The following HSCB variants were observed in gnomAD, a reference collection of about 807,000 sequenced individuals.
HSCB encodes the protein iron-sulfur cluster co-chaperone protein HscB.
Under a neutral mutation model 31.3 loss-of-function variants are expected in HSCB, and 23 were observed. The ratio of observed to expected loss-of-function variants is 0.74; its 90% CI spans 0.53 to 1.04. The LOEUF is 1.04. Ranked by LOEUF, HSCB falls within the 50% of genes least tolerant of loss-of-function variation. HSCB has a pLI of 0.00. For synonymous variants in HSCB, 110 were observed against 104.5 expected (o/e 1.05, Z -0.32); for missense variants, 297 against 288.1 (o/e 1.03, Z -0.22).
intron 1 of HSCB, 152 bp downstream of exon 1, chr22:28,742,483 A>C: frequency 2.3e-6 from 3 of 1,332,342 alleles, no homozygotes; most frequent in Non-Finnish European, 1.0e-6. Context: ...AAGTGTCTTG[A>C]TTTCTCAGGA....
intron 5 of HSCB, among the ~76,000 whole-genome samples, chr22:28,755,776 A>G (rs1482928030): frequency 6.6e-6 from 1 of 152,194 alleles, no homozygotes; most frequent in African/African-American, 2.4e-5. Context: ...CACTACGGAT[A>G]TTGTAAGCCA....
chr22:28,754,105 A>G (rs1396743817), intron 5 of HSCB, among the ~76,000 whole-genome samples: 2 of 151,280 alleles, frequency 1.3e-5, no homozygotes, highest in Non-Finnish European at 2.9e-5. Context: ...TGCACTCCTG[A>G]CGGCAACAAG....
At chr22:28,744,503 G>C in intron 2 of HSCB, 112 bp from the exon 3 acceptor site, 1 of 719,926 alleles carries the variant, frequency 1.4e-6, no homozygotes. Context: ...AGTGAGCTGA[G>C]TTCGCGCCAC....
intron 5 of HSCB, among the ~76,000 whole-genome samples, chr22:28,751,827 C>T (rs1271175349): frequency 2.0e-5 from 3 of 151,882 alleles, no homozygotes; most frequent in Admixed American, 2.0e-4. Flanking sequence ...CAGTGACTCA[C>T]GCCTGTTATC....
chr22:28,742,548 A>C, intron 1 of HSCB: 1 of 708,494 alleles, frequency 1.4e-6, no homozygotes. Flanking sequence ...GAGAAGGGAG[A>C]CGAACGGGAC....
In HSCB at chr22:28,748,249, G is replaced by A. The variant is rs143610154; in HGVS notation, c.568+2241G>A. On this transcript the variant is annotated intron_variant, in intron 4 of 5. Coordinates refer to ENST00000216027, the MANE Select transcript of HSCB (RefSeq NM_172002.5). ...AGAGAGTGACACCACTTGCACAAGC[G>A]TAAATTCTGAGGAGGCCTTAACAAC... Among the ~76,000 whole-genome samples, 562 of 152,258 alleles carry A rather than the reference G, an allele frequency of 3.7e-3. 4 individuals are homozygous for A. The highest frequency in any genetic ancestry group is 0.013 in the African/African-American group (534 of 41,552).
At chr22:28,753,787 G>A (rs1390030559) in intron 5 of HSCB, among the ~76,000 whole-genome samples, 1 of 150,994 alleles carries the variant, frequency 6.6e-6, no homozygotes, top group African/African-American at 2.4e-5. Context: ...GCAGTGAGTG[G>A]AGACCACCTC....
rs183330207 is a variant in HSCB, at chr22:28,749,009, C to T, written c.569-2232C>T. Among the ~76,000 whole-genome samples the T allele has an allele frequency of 3.9e-3, 587 of 152,154 alleles. 5 individuals carry two copies. The highest frequency in any genetic ancestry group is 0.013 in the African/African-American group (532 of 41,504). On this transcript the variant is annotated intron_variant, in intron 4 of 5. Coordinates refer to ENST00000216027, the MANE Select transcript of HSCB (RefSeq NM_172002.5). ...TTTAAAAATTAACCAGATGTGGTGGCGCATGCCTGTAGTCCCTGCTACTCG... is the reference window on the plus strand; with the variant it reads ...TTTAAAAATTAACCAGATGTGGTGGTGCATGCCTGTAGTCCCTGCTACTCG...
chr22:28,752,409 G>GCA, intron 5 of HSCB, among the ~76,000 whole-genome samples: 1 of 129,568 alleles, frequency 7.7e-6, no homozygotes. Flanking sequence ...CCAGCCTGGT[G>GCA]ACAGAGCAAG....
At chr22:28,746,050 T>C (rs377455210) in intron 4 of HSCB, 42 bp downstream of exon 4, 1 of 1,573,454 alleles carries the variant, frequency 6.4e-7, no homozygotes, top group East Asian at 2.2e-5. Context: ...ATTGCTGTTA[T>C]GAACACTTGT....
At chr22:28,742,578 G>A in intron 1 of HSCB, 1 of 551,138 alleles carries the variant, frequency 1.8e-6, no homozygotes, top group Non-Finnish European at 3.0e-6. Context: ...GGGCGCTGAA[G>A]TTAGAGGAAA....
chr22:28,742,694 A>C, intron 1 of HSCB: 1 of 314,716 alleles, frequency 3.2e-6, no homozygotes, highest in East Asian at 6.4e-5. Context: ...CTTGAGGGGC[A>C]GGGCCTGGGA....
chr22:28,751,998 G>C (rs973222155), intron 5 of HSCB, among the ~76,000 whole-genome samples: 1 of 151,944 alleles, frequency 6.6e-6, no homozygotes, highest in Non-Finnish European at 1.5e-5. Flanking sequence ...GCTGAGGCCA[G>C]GAGAATTGCT....
intron 5 of HSCB, among the ~76,000 whole-genome samples, chr22:28,756,734 TCCTCCCGCCTCAGCCTC>T (rs1471793868): frequency 2.6e-5 from 4 of 152,100 alleles, no homozygotes; most frequent in African/African-American, 9.7e-5. Context: ...GCTCAAGCCA[TCCTCCCGCCTCAGCCTC>T]CCAAAATGCT....
Position 28,744,714 on chromosome 22 carries a change from T to C in HSCB, c.423+10T>C. 1 of 1,599,590 alleles carries C rather than the reference T, an allele frequency of 6.3e-7. No individual in the cohort carries two copies. The highest frequency in any genetic ancestry group is 1.1e-5 in the South Asian group (1 of 90,766). On this transcript the variant is annotated intron_variant, in intron 3 of 5. Coordinates refer to ENST00000216027, the MANE Select transcript of HSCB (RefSeq NM_172002.5). ...CAGAGGACTGTACCTTGTAAGGTGA[T>C]TTCCCAACACTTCTGTGTATGACGT... is the stretch of plus-strand genomic sequence containing the variant.
At chr22:28,744,339 G>A (rs1229599395) in intron 2 of HSCB, among the ~76,000 whole-genome samples, 2 of 152,174 alleles carry the variant, frequency 1.3e-5, no homozygotes, top group Non-Finnish European at 2.9e-5. Flanking sequence ...ATCACTTGAA[G>A]TCAGGAGTTC....
rs970050497 is a variant in HSCB, at chr22:28,757,346, A to T, written c.*177A>T. On this transcript the variant is annotated 3_prime_UTR_variant, in exon 6 of 6. Transcript: ENST00000216027. ...CTGAAAATACAAAAATTAGCCGGGC[A>T]TGGTGGCGCGTGCCTGTAATCCCAG... 2.3e-6 allele frequency: 1 copy of T among 444,436 alleles called. No individual in the cohort carries two copies. The highest frequency in any genetic ancestry group is 4.3e-6 in the Non-Finnish European group (1 of 234,998). The allele number at this position is 444,436 out of a possible 1,614,324, so 27.5% of individuals were successfully genotyped here.
At chr22:28,744,750 A>G (rs752744591) in intron 3 of HSCB, 46 bp downstream of exon 3, 1 of 1,431,304 alleles carries the variant, frequency 7.0e-7, no homozygotes, top group Non-Finnish European at 9.9e-7. Flanking sequence ...CCTGATGCCC[A>G]TTATGGCGTA....
chr22:28,748,042 G>A (rs763917397), intron 4 of HSCB, among the ~76,000 whole-genome samples: 15 of 152,128 alleles, frequency 9.9e-5, no homozygotes, highest in Non-Finnish European at 1.6e-4. Context: ...AAAATTAGCC[G>A]GGCGTGTTAG....
Sources: gnomAD v4.1 joint callset for allele counts (sites outside exome capture counted in the v4.1 genomes callset) on GRCh38, gnomAD v4.1.1 for gene constraint, MANE v1.5 for transcripts, NCBI Gene and HGNC (gene_info 2026-07-23, HGNC 2026-07-21) for gene names.